Variants in NAV1 observed in about 807,000 individuals in gnomAD.
NAV1 encodes the protein pore membrane and/or filament interacting like protein 3.
In NAV1, 18 loss-of-function variants were observed where a neutral mutation model predicts 175.2. That is an observed-to-expected ratio of 0.10 (90% CI 0.07 to 0.15). The LOEUF is 0.15. NAV1 is among the 10% of genes least tolerant of loss of function. NAV1 has a pLI of 1.00. For synonymous variants in NAV1, 897 were observed against 978.7 expected, an observed-to-expected ratio of 0.92 and a Z score of 1.56; for missense variants, 1,731 against 2,436.6, an observed-to-expected ratio of 0.71 and a Z score of 6.10.
At chr1:201,651,501 A>G (rs1456633364) in intron 1 of NAV1, among the ~76,000 whole-genome samples, 1 of 152,148 alleles carries the variant, frequency 6.6e-6, no homozygotes, top group Admixed American at 6.5e-5. Context: ...TCACTTCTCA[A>G]AGCACACTGA....
At chr1:201,773,648 T>C (rs1315472025) in intron 3 of NAV1, among the ~76,000 whole-genome samples, 1 of 152,186 alleles carries the variant, frequency 6.6e-6, no homozygotes, top group Non-Finnish European at 1.5e-5. Context: ...GTTGAAGACA[T>C]ACCTAAGTTT....
In NAV1 at chr1:201,583,703, C is replaced by G. The variant is rs1666936374; in HGVS notation, c.-143-4836C>G. Reference sequence around the variant, plus strand: ...GGAAGCCATGGAAATAAATAAGGAGCTGTTGAAGTTGCCAGCTCCCTGGAG... The same window carrying G: ...GGAAGCCATGGAAATAAATAAGGAGGTGTTGAAGTTGCCAGCTCCCTGGAG... On this transcript the variant is annotated intron_variant, in intron 1 of 33. Coordinates refer to the NAV1 transcript ENST00000685211. Among the ~76,000 whole-genome samples, 3 of 152,352 alleles carry G rather than the reference C, an allele frequency of 2.0e-5. No homozygotes were observed. In the South Asian group the frequency reaches 6.2e-4, roughly 32 times the overall value.
chr1:201,820,222 T>G, exon 30 of NAV1: 1 of 284,654 alleles, frequency 3.5e-6, no homozygotes, highest in Non-Finnish European at 6.6e-6. Context: ...CCTTGACTTC[T>G]TGTTTCAATT....
intron 2 of NAV1, among the ~76,000 whole-genome samples, chr1:201,603,950 A>G (rs1203992067): frequency 2.6e-5 from 4 of 152,224 alleles, no homozygotes; most frequent in African/African-American, 7.2e-5. Flanking sequence ...GCCAACAAAA[A>G]TAACCGTGTG....
chr1:201,548,783 AAG>A lies in NAV1; in HGVS notation c.-144+9446_-144+9447del, dbSNP rs1272729386. Among the ~76,000 whole-genome samples, 5 of 152,228 alleles carry A rather than the reference AAG, an allele frequency of 3.3e-5. No homozygotes were observed. The East Asian group carries it at 9.6e-4, about 29-fold the overall frequency. On this transcript the variant is annotated intron_variant, in intron 1 of 33. Coordinates refer to the NAV1 transcript ENST00000685211. Reference sequence around the variant, plus strand: ...AAATATTGGGAGGAAGAAAAGGAGAAAGAGAGTCGGGTTTAGTGTAAGTGCTC... The same window carrying A: ...AAATATTGGGAGGAAGAAAAGGAGAAAGAGTCGGGTTTAGTGTAAGTGCTC...
At chr1:201,661,907 T>G (rs1669627481) in intron 1 of NAV1, among the ~76,000 whole-genome samples, 1 of 152,246 alleles carries the variant, frequency 6.6e-6, no homozygotes, top group Non-Finnish European at 1.5e-5. Flanking sequence ...CCAGGCACTG[T>G]TCTAAGCACT....
chr1:201,786,291 G>A, intron 8 of NAV1, 138 bp from the exon 13 acceptor site: 1 of 867,160 alleles, frequency 1.2e-6, no homozygotes, highest in South Asian at 1.7e-5. Context: ...TCCTTGGGCA[G>A]CCCTGACCAC....
intron 1 of NAV1, among the ~76,000 whole-genome samples, chr1:201,677,869 G>A (rs572965502): frequency 1.3e-5 from 2 of 152,026 alleles, no homozygotes; most frequent in African/African-American, 2.4e-5. Context: ...AGCTCAAGCA[G>A]TTTGCCCACC....
Position 201,539,357 on chromosome 1 carries a change from C to T in NAV1, c.-144+15C>T, listed in dbSNP as rs374224043. Among the ~76,000 whole-genome samples, 111 of 151,984 alleles carry T rather than the reference C, an allele frequency of 7.3e-4. No homozygotes were observed. The highest frequency in any genetic ancestry group is 2.6e-3 in the African/African-American group (107 of 41,520). On this transcript the variant is annotated intron_variant, in intron 1 of 33. Transcript: ENST00000685211. The surrounding 1 kb of genome is among the most constrained non-coding windows in gnomAD (Gnocchi z 5.6). The stretch of plus-strand genomic sequence containing the variant: ...CAGGCGCTCCGGTGAGTGGCCGGCG[C>T]GGGGCGGTCGCGCGGTCGCGGCGCT...
intron 3 of NAV1, among the ~76,000 whole-genome samples, chr1:201,764,530 A>AATTACCTC (rs1339684860): frequency 3.9e-5 from 6 of 152,172 alleles, no homozygotes; most frequent in Non-Finnish European, 2.9e-5. Flanking sequence ...ATTTAATCTT[A>AATTACCTC]ATTACCTCCC....
At chr1:201,653,177 C>A (rs1669271678) in intron 1 of NAV1, among the ~76,000 whole-genome samples, 1 of 152,136 alleles carries the variant, frequency 6.6e-6, no homozygotes, top group Non-Finnish European at 1.5e-5. Flanking sequence ...TAGTAACACC[C>A]CAAATCTTCC....
intron 2 of NAV1, among the ~76,000 whole-genome samples, chr1:201,611,102 C>T (rs1210287654): frequency 2.6e-5 from 4 of 152,190 alleles, no homozygotes; most frequent in Admixed American, 1.3e-4. Context: ...CCTCAGCTTC[C>T]CCTGCTTCCT....
intron 2 of NAV1, among the ~76,000 whole-genome samples, chr1:201,591,438 G>T (rs1441283662): frequency 6.6e-6 from 1 of 152,164 alleles, no homozygotes; most frequent in Non-Finnish European, 1.5e-5. Flanking sequence ...CCCTCCCAGG[G>T]CTCAGTTGCC....
chr1:201,817,779 G>A (rs570738782), intron 29 of NAV1, among the ~76,000 whole-genome samples: 2 of 152,100 alleles, frequency 1.3e-5, no homozygotes, highest in Non-Finnish European at 2.9e-5. Context: ...CTCCTCTGAC[G>A]CTATCCTGAA....
In NAV1 at chr1:201,808,172, C is replaced by T. The variant is rs1678428298; in HGVS notation, c.3845+23C>T. The T allele has an allele frequency of 3.7e-6, 6 of 1,611,862 alleles. No homozygotes were observed. The highest frequency in any genetic ancestry group is 5.1e-6 in the Non-Finnish European group (6 of 1,178,422). On this transcript the variant is annotated intron_variant, in intron 18 of 29. Transcript: ENST00000367296. This position sits in a 1 kb window ranked among gnomAD's most constrained non-coding sequence, Gnocchi z 5.5. ...CGAGTAAGTGCTCTTTGGCTCCCTG[C>T]CACCCAGCCTGTTACCAGTGTAAGC... is the stretch of plus-strand genomic sequence containing the variant.
chr1:201,574,552 T>C (rs1057196501), intron 1 of NAV1, among the ~76,000 whole-genome samples: 5 of 152,062 alleles, frequency 3.3e-5, no homozygotes, highest in African/African-American at 9.7e-5. Context: ...CTCAACCTCA[T>C]AGAAAAAGAG....
chr1:201,825,000 G>T (rs1356962326), exon 30 of NAV1: 2 of 152,138 alleles, frequency 1.3e-5, no homozygotes, highest in African/African-American at 4.8e-5. Flanking sequence ...AGGCTTTGGG[G>T]CCCAAAATAA....
In NAV1 at chr1:201,642,380, T is replaced by A. The variant is rs534489141; in HGVS notation, c.5-6254T>A. 1.5e-3 allele frequency among the ~76,000 whole-genome samples: 224 copies of A among 151,896 alleles called. 3 individuals are homozygous for A. The highest frequency in any genetic ancestry group is 0.013 in the South Asian group (63 of 4,802). On this transcript the variant is annotated intron_variant, in intron 2 of 29. Transcript: ENST00000367302. The stretch of plus-strand genomic sequence containing the variant: ...GTCGCCCGCCACCACACCCAGCTAA[T>A]TTTTTGTTTGTTTGTTTGTTTGTTT...
At chr1:201,573,677 A>G (rs1666612373) in intron 1 of NAV1, among the ~76,000 whole-genome samples, 1 of 152,216 alleles carries the variant, frequency 6.6e-6, no homozygotes. Flanking sequence ...CTAATACATG[A>G]AAAATATATA....
Sources: allele counts gnomAD v4.1 joint callset (sites outside exome capture counted in the v4.1 genomes callset), GRCh38; gene constraint gnomAD v4.1.1; non-coding constraint Gnocchi (gnomAD v3.1); transcripts MANE v1.5; gene names NCBI Gene and HGNC (gene_info 2026-07-23, HGNC 2026-07-21).